ICE2: variants seen among roughly 807,000 people sequenced by gnomAD.
The protein encoded by ICE2 is little elongation complex subunit 2.
Under a neutral mutation model 105.4 loss-of-function variants are expected in ICE2, and 87 were observed. The ratio of observed to expected loss-of-function variants is 0.83; its 90% CI spans 0.69 to 0.99. The LOEUF is 0.99. ICE2 is among the 50% of genes least tolerant of loss of function. The probability of loss-of-function intolerance (pLI) is 0.00; values close to 1 mark genes in which losing one functional copy is unlikely to be tolerated. For synonymous variants in ICE2, 399 were observed against 392.0 expected (o/e 1.02, Z -0.21); for missense variants, 1,323 against 1,146.7 (o/e 1.15, Z -2.22).
chr15:60,442,765 T>C (rs961628213), intron 11 of ICE2: 14 of 359,092 alleles, frequency 3.9e-5, no homozygotes, highest in African/African-American at 3.0e-4. Context: ...AGATCTCTCC[T>C]CACCATTCCC....
chr15:60,453,470 C>T (rs1005864269), intron 9 of ICE2, 133 bp downstream of exon 9: 22 of 1,428,842 alleles, frequency 1.5e-5, no homozygotes, highest in Admixed American at 2.9e-5. Flanking sequence ...CAGCTAGACT[C>T]GAAATTCAAT....
At chr15:60,453,125 G>A (rs1172019767) in intron 9 of ICE2, 17 of 620,052 alleles carry the variant, frequency 2.7e-5, no homozygotes, top group Non-Finnish European at 3.2e-5. Flanking sequence ...TCAGCTACTC[G>A]GGAGTCTGAG....
chr15:60,457,870 T>C lies in ICE2; in HGVS notation c.529-1076A>G, dbSNP rs556149015. ...AAATATCTTTGCTCCTTATTTGTAC[T>C]ATTAGTTAACTTTCACTTGCAACAT... On this transcript the variant is annotated intron_variant, in intron 5 of 15. Coordinates refer to ENST00000261520, the MANE Select transcript of ICE2 (RefSeq NM_024611.6). Among the ~76,000 whole-genome samples, 6 of 152,334 alleles carry C rather than the reference T, an allele frequency of 3.9e-5. No individual in the cohort carries two copies. In the East Asian group the frequency reaches 9.6e-4, roughly 24 times the overall value.
chr15:60,448,129 A>T lies in ICE2; in HGVS notation c.2136T>A (p.Leu712=). 1.2e-6 allele frequency: 2 copies of T among 1,608,660 alleles called. No homozygotes were observed. The highest frequency in any genetic ancestry group is 1.7e-6 in the Non-Finnish European group (2 of 1,176,310). ...CCGATGTATCTTCAACATAGTCCTG[A>T]AGTTCATATGGCAATCCTTTAAAAA... ...QKPKGRLPYE[L]QDYVEDTSEY... Residue 712 remains leucine, a synonymous_variant, in exon 11 of 16, where the codon CTT becomes CTA. Transcript: ENST00000261520.
At chr15:60,432,067 C>A in intron 13 of ICE2, 83 bp from the exon 14 acceptor site, 2 of 659,008 alleles carry the variant, frequency 3.0e-6, no homozygotes, top group Non-Finnish European at 5.4e-6. Flanking sequence ...CAGAGAAATG[C>A]CCTCAATAAC....
Position 60,453,704 on chromosome 15 carries a change from AGATTT to A in ICE2, c.1019_1023del (p.Gln340LeufsTer3), listed in dbSNP as rs1043357964. The A allele has an allele frequency of 1.9e-6, 3 of 1,611,680 alleles. No homozygotes were observed. In the African/African-American group the frequency reaches 4.0e-5, roughly 22 times the overall value. On this transcript the variant is annotated frameshift_variant, in exon 9 of 16. Transcript: ENST00000261520. LOFTEE classifies it high-confidence loss of function. ...ATAAATTTTAATGGAACTTCATGAA[AGATTT>A]GATTTCTCTCTCTCATAGTCATTTT...
At chr15:60,444,746 G>A (rs750029832) in intron 11 of ICE2, among the ~76,000 whole-genome samples, 105 of 152,044 alleles carry the variant, frequency 6.9e-4, no homozygotes, top group African/African-American at 1.8e-3. Context: ...GTACAATGAC[G>A]CAATCTCAGC....
At chr15:60,459,291 G>C (rs184692985) in intron 5 of ICE2, among the ~76,000 whole-genome samples, 1 of 152,228 alleles carries the variant, frequency 6.6e-6, no homozygotes, top group African/African-American at 2.4e-5. Flanking sequence ...AGTAAGAAAA[G>C]ACAGAAGCCC....
rs895926788 is a variant in ICE2, at chr15:60,421,679, T to A, written c.*1955A>T. 1 of 152,078 alleles carries A rather than the reference T, an allele frequency of 6.6e-6. No individual in the cohort carries two copies. The highest frequency in any genetic ancestry group is 2.4e-5 in the African/African-American group (1 of 41,392). The allele number at this position is 152,078 out of a possible 1,614,324, so 9.4% of individuals were successfully genotyped here. Reference sequence around the variant, plus strand: ...GTACATTAAAAATAAAATAAAAAAGTGTAAGAGTACATTTCAAGGGAATCC... The same window carrying A: ...GTACATTAAAAATAAAATAAAAAAGAGTAAGAGTACATTTCAAGGGAATCC... On this transcript the variant is annotated 3_prime_UTR_variant, in exon 16 of 16. Transcript: ENST00000261520.
chr15:60,450,451 A>G (rs1468563713), intron 9 of ICE2, among the ~76,000 whole-genome samples: 1 of 152,184 alleles, frequency 6.6e-6, no homozygotes, highest in Non-Finnish European at 1.5e-5. Context: ...ATTGTTTTTC[A>G]TGTACTGTTT....
chr15:60,438,236 T>C (rs777818112), intron 12 of ICE2: 1 of 152,222 alleles, frequency 6.6e-6, no homozygotes, highest in Non-Finnish European at 1.5e-5. Context: ...GACGTATCAA[T>C]GTTGAAGACA....
intron 11 of ICE2, chr15:60,445,933 G>A (rs1294082673): frequency 4.4e-6 from 1 of 226,586 alleles, no homozygotes; most frequent in South Asian, 1.6e-4. Context: ...GATACTATAT[G>A]TATTCATGAT....
At chr15:60,436,648 G>A (rs1221650527) in intron 12 of ICE2, among the ~76,000 whole-genome samples, 1 of 144,222 alleles carries the variant, frequency 6.9e-6, no homozygotes, top group African/African-American at 2.6e-5. Flanking sequence ...CCGGGAGGCA[G>A]AGCTTGCAGC....
At chr15:60,447,890 T>G (rs1481507178) in intron 11 of ICE2, 80 bp downstream of exon 11, 2 of 1,208,028 alleles carry the variant, frequency 1.7e-6, no homozygotes, top group African/African-American at 1.5e-5. Flanking sequence ...CTCAACAATT[T>G]AAACTTCACA....
At position 60,432,030 on chromosome 15, in the gene ICE2, T is replaced by C. The variant is rs781497607; in HGVS notation, c.2511-46A>G. 2.3e-5 allele frequency: 25 copies of C among 1,091,960 alleles called. No homozygotes were observed. In the East Asian group the frequency reaches 6.0e-4, roughly 26 times the overall value. The allele number at this position is 1,091,960 out of a possible 1,614,324, so 67.6% of individuals were successfully genotyped here. On this transcript the variant is annotated intron_variant, in intron 13 of 15. Coordinates refer to ENST00000261520, the MANE Select transcript of ICE2 (RefSeq NM_024611.6). ...ATGTAAAATTAAACTGCAAAAAACT[T>C]ACTTTTAGCAATTATAGCTCCTCAG...
chr15:60,428,389 AAAC>A (rs763394284), intron 15 of ICE2, 37 bp downstream of exon 15: 9 of 1,586,662 alleles, frequency 5.7e-6, no homozygotes, highest in Middle Eastern at 3.4e-4. Context: ...GACGAATAAT[AAAC>A]AACCTAATGA....
At chr15:60,437,564 G>A (rs920032621) in intron 12 of ICE2, among the ~76,000 whole-genome samples, 6 of 151,412 alleles carry the variant, frequency 4.0e-5, no homozygotes, top group South Asian at 4.2e-4. Flanking sequence ...AACTCCTGAC[G>A]TCAGGTGATC....
At position 60,449,491 on chromosome 15, in the gene ICE2, A is replaced by C; in HGVS notation, c.1476T>G (p.Cys492Trp). Residue 492 changes from cysteine to tryptophan, a missense_variant, in exon 10 of 16, where the codon TGT (cysteine) becomes TGG (tryptophan). Physicochemically the swap from Cys to Trp is radical, Grantham distance 215. Transcript: ENST00000261520. ...GCTTGTCAGAATTTGATACCTTTTC[A>C]CATGATTCAAATCCCTGATCATCTT... ...KNKDDQGFES[C>W]EKVSNSDKPL... The C allele has an allele frequency of 6.2e-7, 1 of 1,614,160 alleles. No individual in the cohort carries two copies. The highest frequency in any genetic ancestry group is 8.5e-7 in the Non-Finnish European group (1 of 1,180,030).
chr15:60,431,153 T>C (rs34149206), intron 14 of ICE2, among the ~76,000 whole-genome samples: 15,873 of 151,978 alleles, frequency 0.1, 965 homozygotes, highest in Middle Eastern at 0.21. Flanking sequence ...ATTACAGGCG[T>C]GAGCCACTGC....
Sources: gnomAD v4.1 joint callset for allele counts (sites outside exome capture counted in the v4.1 genomes callset) on GRCh38, gnomAD v4.1.1 for gene constraint, MANE v1.5 for transcripts, NCBI Gene and HGNC (gene_info 2026-07-23, HGNC 2026-07-21) for gene names.